NPAS3: variants seen among roughly 807,000 people sequenced by gnomAD.
NPAS3 encodes neuronal PAS domain protein 3, also known as neuronal PAS domain-containing protein 3.
A neutral mutation model predicts 73.1 loss-of-function variants in NPAS3; 14 were observed. That is an observed-to-expected ratio of 0.19 (90% CI 0.13 to 0.30). The LOEUF (loss-of-function observed/expected upper bound fraction) is 0.30. NPAS3 is among the 10% of genes least tolerant of loss of function. The pLI, the probability that NPAS3 is intolerant of heterozygous loss-of-function variation, is 1.00. For synonymous variants in NPAS3, 620 were observed against 541.5 expected (o/e 1.14, Z -2.01); for missense variants, 1,096 against 1,250.0 (o/e 0.88, Z 1.86).
At chr14:33,338,584 A>C (rs1392819802) in intron 3 of NPAS3, among the ~76,000 whole-genome samples, 2 of 152,054 alleles carry the variant, frequency 1.3e-5, no homozygotes, top group Admixed American at 1.3e-4. Flanking sequence ...TAGCTGTTTG[A>C]CTTTTGGCAC....
intron 5 of NPAS3, among the ~76,000 whole-genome samples, chr14:33,614,725 C>T (rs948538986): frequency 6.6e-6 from 1 of 152,128 alleles, no homozygotes; most frequent in East Asian, 1.9e-4. Context: ...AGTTCTTCAG[C>T]CCCCAAACCC....
chr14:33,142,341 C>G (rs1444395285), intron 2 of NPAS3, among the ~76,000 whole-genome samples: 1 of 151,796 alleles, frequency 6.6e-6, no homozygotes, highest in Non-Finnish European at 1.5e-5. Context: ...TGCTATAGTG[C>G]TGAAGTTATG....
intron 5 of NPAS3, among the ~76,000 whole-genome samples, chr14:33,669,154 G>A (rs1439434742): frequency 6.6e-6 from 1 of 151,976 alleles, no homozygotes; most frequent in African/African-American, 2.4e-5. Context: ...CTATTCATTT[G>A]ATCTCCAGAA....
intron 4 of NPAS3, among the ~76,000 whole-genome samples, chr14:33,440,115 CA>C (rs368527118): frequency 0.11 from 12,628 of 110,052 alleles, 574 homozygotes; most frequent in Admixed American, 0.19. Context: ...CAGTCTGTCT[CA>C]AAAAAAAAAA....
chr14:32,946,960 A>G (rs1166393479), intron 1 of NPAS3, among the ~76,000 whole-genome samples: 5 of 152,208 alleles, frequency 3.3e-5, no homozygotes, highest in Admixed American at 6.5e-5. Context: ...TGCAGAATTA[A>G]AGGGCTGTGA....
rs1425336038 is a variant in NPAS3 at position 33,172,844 on chromosome 14, G to A, written c.141-42338G>A. On this transcript the variant is annotated intron_variant, in intron 2 of 11. Coordinates refer to ENST00000356141, the Ensembl canonical transcript of NPAS3. Reference sequence around the variant, plus strand: ...AATAAACTTATATCTGATTTTGTTAGCATAGACCACTTGCCTAATAGGTCT... The same window carrying A: ...AATAAACTTATATCTGATTTTGTTAACATAGACCACTTGCCTAATAGGTCT... Among the ~76,000 whole-genome samples the A allele has an allele frequency of 3.9e-5, 6 of 152,116 alleles. No homozygotes were observed. The East Asian group carries it at 5.8e-4, about 15-fold the overall frequency.
In NPAS3 at chr14:33,713,266, A is replaced by G. The variant is rs553985741; in HGVS notation, c.734-21948A>G. ...AATTCAATGGTCCAACGTGATTACA[A>G]AAAAACAGGTTCCTTCCATCGTGCT... On this transcript the variant is annotated intron_variant, in intron 6 of 11. Coordinates refer to ENST00000356141, the Ensembl canonical transcript of NPAS3. Among the ~76,000 whole-genome samples the G allele has an allele frequency of 3.9e-5, 6 of 152,348 alleles. No homozygotes were observed. In the East Asian group the frequency reaches 1.2e-3, roughly 29 times the overall value.
intron 3 of NPAS3, among the ~76,000 whole-genome samples, chr14:33,295,047 A>AC (rs2042240652): frequency 6.6e-6 from 1 of 152,182 alleles, no homozygotes; most frequent in Admixed American, 6.5e-5. Flanking sequence ...GAAAAAATAG[A>AC]CTTTTATTTA....
chr14:33,154,266 A>G (rs2044567412), intron 2 of NPAS3, among the ~76,000 whole-genome samples: 1 of 152,208 alleles, frequency 6.6e-6, no homozygotes, highest in Non-Finnish European at 1.5e-5. Flanking sequence ...CGCTGGTTTA[A>G]GATTAGTTGG....
chr14:33,761,822 A>G (rs1304255994), intron 7 of NPAS3, among the ~76,000 whole-genome samples: 1 of 152,198 alleles, frequency 6.6e-6, no homozygotes, highest in African/African-American at 2.4e-5. Context: ...AATTCTTCCC[A>G]TTTCATTCCA....
intron 6 of NPAS3, among the ~76,000 whole-genome samples, chr14:33,719,659 C>T (rs1245382223): frequency 6.6e-6 from 1 of 152,182 alleles, no homozygotes; most frequent in African/African-American, 2.4e-5. Context: ...GTTGAACCAA[C>T]AAACCTGGTT....
intron 4 of NPAS3, among the ~76,000 whole-genome samples, chr14:33,555,636 A>G (rs1157681590): frequency 1.3e-5 from 2 of 152,160 alleles, no homozygotes; most frequent in South Asian, 2.1e-4. Context: ...TAAACCAACA[A>G]TGATGCTACC....
rs549545585 is a variant in NPAS3, at chr14:33,014,289, G to A, written c.51-41616G>A. Among the ~76,000 whole-genome samples the A allele has an allele frequency of 1.3e-4, 20 of 152,192 alleles. No homozygotes were observed. The East Asian group carries it at 3.9e-3, about 29-fold the overall frequency. ...AATTGTTTATTTATCGAGAATATTT[G>A]TTCAAAGATTCTATTTCATAATATG... On this transcript the variant is annotated intron_variant, in intron 1 of 11. Coordinates refer to ENST00000356141, the Ensembl canonical transcript of NPAS3.
intron 2 of NPAS3, among the ~76,000 whole-genome samples, chr14:33,069,352 T>G (rs1378064041): frequency 1.3e-5 from 2 of 152,214 alleles, no homozygotes; most frequent in African/African-American, 4.8e-5. Context: ...GGATAATATC[T>G]TCTCAATAAC....
intron 7 of NPAS3, among the ~76,000 whole-genome samples, chr14:33,770,895 C>T (rs557190712): frequency 1.3e-5 from 2 of 152,280 alleles, no homozygotes; most frequent in South Asian, 4.1e-4. Context: ...GTGAGTAAGA[C>T]TCCATCTCAA....
At chr14:33,168,278 G>T (rs1031121200) in intron 2 of NPAS3, among the ~76,000 whole-genome samples, 7 of 152,108 alleles carry the variant, frequency 4.6e-5, no homozygotes, top group African/African-American at 7.2e-5. Flanking sequence ...TTTAGAGACA[G>T]CTTACTGTGT....
At chr14:33,090,103 T>A (rs945122355) in intron 2 of NPAS3, among the ~76,000 whole-genome samples, 3 of 152,148 alleles carry the variant, frequency 2.0e-5, no homozygotes, top group Non-Finnish European at 4.4e-5. Context: ...ATGGACAAAA[T>A]AACCAGCTAA....
At chr14:33,698,109 C>A (rs2060435054) in intron 6 of NPAS3, among the ~76,000 whole-genome samples, 1 of 152,206 alleles carries the variant, frequency 6.6e-6, no homozygotes, top group Non-Finnish European at 1.5e-5. Flanking sequence ...CACATGCAGA[C>A]CTGCCCTCAA....
intron 2 of NPAS3, among the ~76,000 whole-genome samples, chr14:33,201,872 A>G (rs2046633008): frequency 6.6e-6 from 1 of 152,178 alleles, no homozygotes; most frequent in South Asian, 2.1e-4. Flanking sequence ...AGAACTCTCA[A>G]CAGTTGGGAT....
Sources: allele counts gnomAD v4.1 joint callset (sites outside exome capture counted in the v4.1 genomes callset), GRCh38; gene constraint gnomAD v4.1.1; transcripts MANE v1.5; gene names NCBI Gene and HGNC (gene_info 2026-07-23, HGNC 2026-07-21).